The following GREB1L variants were observed in gnomAD, a reference collection of about 807,000 sequenced individuals.
GREB1L encodes GREB1-like protein.
A neutral mutation model predicts 200.8 loss-of-function variants in GREB1L; 17 were observed. The observed-to-expected ratio is 0.08, with a 90% CI of 0.06 to 0.13. GREB1L has a LOEUF of 0.13. Among genes scored for constraint, GREB1L ranks in the 10% least tolerant of loss-of-function variants. GREB1L has a pLI of 1.00. For missense variants in GREB1L, 1,657 were observed against 2,367.7 expected, an observed-to-expected ratio of 0.70 and a Z score of 6.23; for synonymous variants, 789 against 893.0, an observed-to-expected ratio of 0.88 and a Z score of 2.08.
At chr18:21,269,171 A>G (rs1201805785) in intron 1 of GREB1L, among the ~76,000 whole-genome samples, 3 of 152,196 alleles carry the variant, frequency 2.0e-5, no homozygotes, top group African/African-American at 7.2e-5. Context: ...GTGCAAAGCG[A>G]TCTCAAAATT....
chr18:21,466,026 A>T (rs1436400982), intron 15 of GREB1L, among the ~76,000 whole-genome samples: 1 of 152,102 alleles, frequency 6.6e-6, no homozygotes, highest in Non-Finnish European at 1.5e-5. Flanking sequence ...TATACTTTAA[A>T]CCTAAGTGGA....
At chr18:21,318,333 C>T (rs1164374603) in intron 1 of GREB1L, among the ~76,000 whole-genome samples, 2 of 152,148 alleles carry the variant, frequency 1.3e-5, no homozygotes, top group Non-Finnish European at 2.9e-5. Flanking sequence ...TAGACTAGTC[C>T]TTAAATTCAG....
chr18:21,480,916 A>G (rs1426418966), intron 17 of GREB1L, among the ~76,000 whole-genome samples: 1 of 152,174 alleles, frequency 6.6e-6, no homozygotes, highest in African/African-American at 2.4e-5. Context: ...GCTACTCAGA[A>G]GGCTGAGGCA....
At chr18:21,470,147 G>A (rs1425192857) in intron 15 of GREB1L, among the ~76,000 whole-genome samples, 1 of 151,864 alleles carries the variant, frequency 6.6e-6, no homozygotes, top group African/African-American at 2.4e-5. Context: ...TCTTAGCCAG[G>A]CATGCTAGCA....
At chr18:21,347,227 T>G (rs1278362094) in intron 1 of GREB1L, among the ~76,000 whole-genome samples, 1 of 150,594 alleles carries the variant, frequency 6.6e-6, no homozygotes, top group Non-Finnish European at 1.5e-5. Context: ...GCAGTGAGCC[T>G]GAGATTGCAC....
intron 7 of GREB1L, among the ~76,000 whole-genome samples, chr18:21,409,895 A>G (rs905913020): frequency 3.3e-5 from 5 of 152,134 alleles, no homozygotes; most frequent in Non-Finnish European, 1.5e-5. Flanking sequence ...GTTCCCTGTT[A>G]TAATGATTTG....
intron 15 of GREB1L, among the ~76,000 whole-genome samples, chr18:21,471,505 T>C (rs2145670246): frequency 6.6e-6 from 1 of 152,306 alleles, no homozygotes; most frequent in East Asian, 1.9e-4. Context: ...GAGATTTAGA[T>C]CTTAGTCCTG....
chr18:21,266,070 A>G (rs2037962750), intron 1 of GREB1L, among the ~76,000 whole-genome samples: 1 of 152,174 alleles, frequency 6.6e-6, no homozygotes, highest in Non-Finnish European at 1.5e-5. Flanking sequence ...CTAGTTTCCC[A>G]GCCTGCAATT....
chr18:21,481,439 ATGTGTGTGTG>A (rs34711292), intron 17 of GREB1L, among the ~76,000 whole-genome samples: 2,811 of 127,476 alleles, frequency 0.022, 85 homozygotes, highest in African/African-American at 0.067. Context: ...GTATATATGT[ATGTGTGTGTG>A]TGTGTGTGTG....
chr18:21,280,526 A>C (rs2038251221), intron 1 of GREB1L, among the ~76,000 whole-genome samples: 1 of 151,992 alleles, frequency 6.6e-6, no homozygotes, highest in African/African-American at 2.4e-5. Flanking sequence ...ACTTGTGTGC[A>C]GGTTTGTTTG....
intron 19 of GREB1L, among the ~76,000 whole-genome samples, chr18:21,490,935 C>A (rs928669077): frequency 4.6e-5 from 7 of 152,260 alleles, no homozygotes; most frequent in African/African-American, 1.7e-4. Flanking sequence ...CTTTGCCAGG[C>A]GCCCTACAGA....
chr18:21,447,761 A>G (rs1444857378), intron 11 of GREB1L, among the ~76,000 whole-genome samples: 1 of 152,170 alleles, frequency 6.6e-6, no homozygotes, highest in African/African-American at 2.4e-5. Context: ...CCTAGTGACA[A>G]TTAACCATGA....
intron 2 of GREB1L, among the ~76,000 whole-genome samples, chr18:21,373,484 C>T (rs12964299): frequency 0.059 from 8,960 of 152,178 alleles, 353 homozygotes; most frequent in Non-Finnish European, 0.086. Context: ...TAGGCACCTA[C>T]CACCGTGCCC....
chr18:21,482,077 C>T (rs1036726969), intron 17 of GREB1L, among the ~76,000 whole-genome samples: 2 of 152,158 alleles, frequency 1.3e-5, no homozygotes, highest in Non-Finnish European at 1.5e-5. Context: ...CAGTCAGTGG[C>T]TTTTCTGATA....
chr18:21,369,228 C>T lies in GREB1L; in HGVS notation c.-10+3092C>T, dbSNP rs567637568. ...TTTCGGAAACCATAGAGACTCTGAA[C>T]TCTGAATGTGACAGCGTTGAAAGAT... On this transcript the variant is annotated intron_variant, in intron 2 of 32. Transcript: ENST00000424526. Among the ~76,000 whole-genome samples the T allele has an allele frequency of 5.3e-5, 8 of 152,296 alleles. No homozygotes were observed. The East Asian group carries it at 5.8e-4, about 11-fold the overall frequency.
At chr18:21,253,846 T>C (rs2037754125) in intron 1 of GREB1L, among the ~76,000 whole-genome samples, 1 of 150,070 alleles carries the variant, frequency 6.7e-6, no homozygotes, top group South Asian at 2.1e-4. Flanking sequence ...TTTTTTTTTT[T>C]TCCCCTTAGA....
At chr18:21,344,051 A>G (rs2039307700) in intron 1 of GREB1L, among the ~76,000 whole-genome samples, 1 of 152,212 alleles carries the variant, frequency 6.6e-6, no homozygotes, top group Admixed American at 6.5e-5. Flanking sequence ...TTAGGATTAC[A>G]GGCATGAGCC....
At chr18:21,300,946 G>A (rs920281958) in intron 1 of GREB1L, among the ~76,000 whole-genome samples, 3 of 152,160 alleles carry the variant, frequency 2.0e-5, no homozygotes, top group African/African-American at 7.2e-5. Context: ...ATCTAGTCAT[G>A]CCTCACATGT....
At chr18:21,411,717 C>T (rs2031035185) in intron 7 of GREB1L, among the ~76,000 whole-genome samples, 1 of 152,106 alleles carries the variant, frequency 6.6e-6, no homozygotes, top group African/African-American at 2.4e-5. Context: ...TCTTCACAGT[C>T]ACCTTAAACA....
Sources: gnomAD v4.1 joint callset for allele counts (sites outside exome capture counted in the v4.1 genomes callset) on GRCh38, gnomAD v4.1.1 for gene constraint, MANE v1.5 for transcripts, NCBI Gene and HGNC (gene_info 2026-07-23, HGNC 2026-07-21) for gene names.